The following GUCY1A2 variants were observed in gnomAD, a reference collection of about 807,000 sequenced individuals.
The protein encoded by GUCY1A2 is guanylate cyclase soluble subunit alpha-2.
GUCY1A2 carries 27 observed loss-of-function variants against 63.5 expected under a neutral mutation model. That is an observed-to-expected ratio of 0.43 (90% confidence interval 0.31 to 0.59). GUCY1A2 has a LOEUF of 0.59. Among genes scored for constraint, GUCY1A2 ranks in the 20% least tolerant of loss-of-function variants. The pLI is 0.11. For synonymous variants in GUCY1A2, 364 were observed against 343.5 expected (o/e 1.06, Z -0.66); for missense variants, 768 against 913.3 (o/e 0.84, Z 2.05).
At chr11:106,809,500 TAG>T (rs1429826969) in intron 5 of GUCY1A2, among the ~76,000 whole-genome samples, 2 of 152,114 alleles carry the variant, frequency 1.3e-5, no homozygotes, top group Non-Finnish European at 2.9e-5. Flanking sequence ...GAGCAATAGC[TAG>T]AGTATTTATA....
At chr11:106,895,194 G>C (rs1295446697) in intron 4 of GUCY1A2, among the ~76,000 whole-genome samples, 1 of 152,112 alleles carries the variant, frequency 6.6e-6, no homozygotes, top group Non-Finnish European at 1.5e-5. Context: ...TCACACAAAA[G>C]ATAATCTGTA....
intron 6 of GUCY1A2, among the ~76,000 whole-genome samples, chr11:106,765,006 A>G (rs1864138121): frequency 6.7e-6 from 1 of 149,640 alleles, no homozygotes; most frequent in South Asian, 2.1e-4. Flanking sequence ...AATAGTGCAT[A>G]AAGACATGGC....
chr11:106,973,169 T>C (rs1028372735), intron 3 of GUCY1A2, among the ~76,000 whole-genome samples: 28 of 152,126 alleles, frequency 1.8e-4, no homozygotes, highest in African/African-American at 4.6e-4. Context: ...GATTATATGA[T>C]GATATTCTTA....
chr11:106,899,045 A>T (rs1360078871), intron 4 of GUCY1A2, among the ~76,000 whole-genome samples: 1 of 152,220 alleles, frequency 6.6e-6, no homozygotes, highest in African/African-American at 2.4e-5. Context: ...AATGTTATTA[A>T]GCCACATATT....
At chr11:106,746,367 A>G (rs1047301072) in intron 6 of GUCY1A2, among the ~76,000 whole-genome samples, 1 of 152,184 alleles carries the variant, frequency 6.6e-6, no homozygotes, top group Non-Finnish European at 1.5e-5. Context: ...TAACATTTAC[A>G]TATGCTCTAA....
chr11:106,752,308 A>T (rs1252867436), intron 6 of GUCY1A2, among the ~76,000 whole-genome samples: 1 of 152,230 alleles, frequency 6.6e-6, no homozygotes, highest in African/African-American at 2.4e-5. Context: ...AATGTACAGA[A>T]TGGCAATAAT....
At chr11:106,806,082 C>G (rs116089212) in intron 5 of GUCY1A2, among the ~76,000 whole-genome samples, 1 of 151,540 alleles carries the variant, frequency 6.6e-6, no homozygotes, top group Non-Finnish European at 1.5e-5. Context: ...TGTATATATA[C>G]ACACACACAC....
intron 7 of GUCY1A2, among the ~76,000 whole-genome samples, chr11:106,698,138 T>TTTTTTTTTTTTTTTTTTTTTTTGA (rs1555020237): frequency 6.9e-6 from 1 of 145,758 alleles, no homozygotes; most frequent in Non-Finnish European, 1.5e-5. Context: ...TTTTTTTTTT[T>TTTTTTTTTTTTTTTTTTTTTTTGA]AGACAGGGTC....
intron 3 of GUCY1A2, among the ~76,000 whole-genome samples, chr11:106,975,146 G>C (rs929174016): frequency 6.6e-6 from 1 of 152,060 alleles, no homozygotes; most frequent in Non-Finnish European, 1.5e-5. Flanking sequence ...TTATGACAAA[G>C]GAGACTATGC....
chr11:106,919,043 T>C (rs1860405579), intron 4 of GUCY1A2, among the ~76,000 whole-genome samples: 1 of 152,158 alleles, frequency 6.6e-6, no homozygotes, highest in Admixed American at 6.6e-5. Context: ...AATTCCTATA[T>C]GCAAAACATT....
chr11:106,968,892 A>C (rs1169644274), intron 3 of GUCY1A2, among the ~76,000 whole-genome samples: 1 of 122,060 alleles, frequency 8.2e-6, no homozygotes, highest in Non-Finnish European at 1.8e-5. Flanking sequence ...TTTGGTCTCA[A>C]ACTTATTAGA....
Position 106,677,851 on chromosome 11 carries a change from T to A in GUCY1A2, c.*9698A>T, listed in dbSNP as rs1371288665. ...CATCTGAATCCAACTAAATATTTCA[T>A]ACATGTTCATAAAATGGGACTCCTC... On this transcript the variant is annotated 3_prime_UTR_variant, in exon 8 of 8. Coordinates refer to ENST00000526355, the MANE Select transcript of GUCY1A2 (RefSeq NM_000855.3). The A allele has an allele frequency of 9.8e-6, 2 of 204,778 alleles. No individual in the cohort carries two copies. The highest frequency in any genetic ancestry group is 4.6e-5 in the African/African-American group (2 of 43,788). The allele number at this position is 204,778 out of a possible 1,614,324, so 12.7% of individuals were successfully genotyped here. A position where few individuals can be genotyped will look rare whatever the true frequency, so the allele number is the denominator to read the frequency against.
In GUCY1A2 at chr11:106,674,201, A is replaced by G; in HGVS notation, c.*13348T>C. The G allele has an allele frequency of 5.4e-6, 1 of 185,232 alleles. No individual in the cohort carries two copies. Among genetic ancestry groups the G allele is most frequent in the Non-Finnish European group, 1.1e-5 (1 of 87,244 alleles). 11.5% of individuals were successfully genotyped at this position (185,232 alleles called of 1,614,324 possible). On this transcript the variant is annotated 3_prime_UTR_variant, in exon 8 of 8. Coordinates refer to ENST00000526355, the MANE Select transcript of GUCY1A2 (RefSeq NM_000855.3). Reference sequence around the variant, plus strand: ...CGTTTCCATCACTTATTTTTCATATACAAATTCACCTTGTTCTGCAGTCTG... The same window carrying G: ...CGTTTCCATCACTTATTTTTCATATGCAAATTCACCTTGTTCTGCAGTCTG...
chr11:106,760,113 A>C (rs1290083998), intron 6 of GUCY1A2, among the ~76,000 whole-genome samples: 1 of 152,190 alleles, frequency 6.6e-6, no homozygotes, highest in Admixed American at 6.5e-5. Flanking sequence ...TAAAACGGCC[A>C]ACACGTTGAT....
chr11:106,957,298 G>A (rs1860999014), intron 3 of GUCY1A2, among the ~76,000 whole-genome samples: 1 of 151,976 alleles, frequency 6.6e-6, no homozygotes, highest in Non-Finnish European at 1.5e-5. Context: ...AGCTGGTGCT[G>A]GTTGCCTCTT....
chr11:106,896,155 C>G (rs1860046366), intron 4 of GUCY1A2, among the ~76,000 whole-genome samples: 1 of 151,642 alleles, frequency 6.6e-6, no homozygotes, highest in Non-Finnish European at 1.5e-5. Flanking sequence ...GCATGCAAGT[C>G]TAGTTTAATA....
At chr11:106,800,785 G>T (rs1486635803) in intron 5 of GUCY1A2, among the ~76,000 whole-genome samples, 2 of 151,964 alleles carry the variant, frequency 1.3e-5, no homozygotes, top group East Asian at 3.9e-4. Flanking sequence ...TATACCTAAT[G>T]AAAATGACGA....
In GUCY1A2 at chr11:106,733,640, C is replaced by T. The variant is rs189879846; in HGVS notation, c.1837-24974G>A. Among the ~76,000 whole-genome samples the T allele has an allele frequency of 1.7e-4, 26 of 152,184 alleles. No individual in the cohort carries two copies. The East Asian group carries it at 4.1e-3, about 24-fold the overall frequency. On this transcript the variant is annotated intron_variant, in intron 6 of 7. Coordinates refer to ENST00000526355, the MANE Select transcript of GUCY1A2 (RefSeq NM_000855.3). ...AGACTGGCTCTGAAGAACAGAGATA[C>T]GGAGCAGACACATGAGGTTTAGAAG...
intron 6 of GUCY1A2, among the ~76,000 whole-genome samples, chr11:106,770,848 G>GA (rs74333679): frequency 1 from 148,149 of 148,158 alleles, 74,070 homozygotes; most frequent in Middle Eastern, 1. Context: ...GCAAATCAGG[G>GA]AATGCTGTGA....
Sources: gnomAD v4.1 joint callset for allele counts (sites outside exome capture counted in the v4.1 genomes callset) on GRCh38, gnomAD v4.1.1 for gene constraint, MANE v1.5 for transcripts, NCBI Gene and HGNC (gene_info 2026-07-23, HGNC 2026-07-21) for gene names.